AVEN: variants seen among roughly 807,000 people sequenced by gnomAD.
AVEN encodes apoptosis and caspase activation inhibitor.
A neutral mutation model predicts 38.1 loss-of-function variants in AVEN; 41 were observed. The ratio of observed to expected loss-of-function variants is 1.08; its 90% CI spans 0.84 to 1.40. The LOEUF (loss-of-function observed/expected upper bound fraction) is 1.40, where lower values mean the gene tolerates loss of function less well. AVEN is among the 40% of genes most tolerant of loss of function. AVEN has a pLI of 0.00. For missense variants in AVEN, 605 were observed against 438.8 expected, an observed-to-expected ratio of 1.38 and a Z score of -3.38; for synonymous variants, 206 against 171.8, an observed-to-expected ratio of 1.20 and a Z score of -1.56.
chr15:33,969,587 T>C (rs1352726794), intron 2 of AVEN, among the ~76,000 whole-genome samples: 1 of 152,042 alleles, frequency 6.6e-6, no homozygotes, highest in African/African-American at 2.4e-5. Flanking sequence ...GAACAAAAGC[T>C]CAATGACTGA....
In AVEN at chr15:34,063,974, T is replaced by C. The variant is rs767993368; in HGVS notation, n.1127-542A>G. 55 of 1,613,958 alleles carry C rather than the reference T, an allele frequency of 3.4e-5. No individual in the cohort carries two copies. Among genetic ancestry groups the C allele is most frequent in the Admixed American group, 5.0e-5 (3 of 59,994 alleles). ...AGGAACCTTCAACGAAAGGCCTCAA[T>C]CCCAACCCCAGCCATCAAATGACCA... is the stretch of plus-strand genomic sequence containing the variant. On this transcript the variant is annotated intron_variant and non_coding_transcript_variant, in intron 4 of 11. Coordinates refer to the AVEN transcript ENST00000675287. The surrounding 1 kb of genome is among the most constrained non-coding windows in gnomAD (Gnocchi z 4.1).
chr15:33,859,802 C>G (rs1189074828), intron 11 of AVEN: 1 of 1,457,642 alleles, frequency 6.9e-7, no homozygotes, highest in Non-Finnish European at 9.3e-7. Flanking sequence ...CCATCTATGA[C>G]TTAATTGGTT....
intron 2 of AVEN, among the ~76,000 whole-genome samples, chr15:33,928,110 G>A (rs1893699348): frequency 6.6e-6 from 1 of 152,198 alleles, no homozygotes; most frequent in South Asian, 2.1e-4. Context: ...GTAGGCTAAA[G>A]ATTCAGCTCT....
chr15:33,857,887 C>T (rs200923286), downstream of AVEN: 16 of 1,614,110 alleles, frequency 9.9e-6, no homozygotes, highest in African/African-American at 1.3e-4. Context: ...ATGACGAGCC[C>T]GATATGAAGT....
chr15:33,952,389 A>T (rs577138296), intron 2 of AVEN, among the ~76,000 whole-genome samples: 1 of 152,324 alleles, frequency 6.6e-6, no homozygotes, highest in South Asian at 2.1e-4. Flanking sequence ...CTGTCTAGAT[A>T]GATGCTTATC....
At chr15:33,892,841 C>A (rs1212020852) in intron 2 of AVEN, among the ~76,000 whole-genome samples, 2 of 151,986 alleles carry the variant, frequency 1.3e-5, no homozygotes, top group African/African-American at 4.8e-5. Flanking sequence ...AATACTGATT[C>A]TTCCTACCCG....
intron 1 of AVEN, among the ~76,000 whole-genome samples, chr15:34,022,880 C>T (rs1000644295): frequency 1.3e-5 from 2 of 152,226 alleles, no homozygotes; most frequent in African/African-American, 2.4e-5. Flanking sequence ...GCCTTTGGCT[C>T]AAAGCCAGAT....
At chr15:33,914,915 T>TG (rs1473683208) in intron 2 of AVEN, among the ~76,000 whole-genome samples, 1 of 152,100 alleles carries the variant, frequency 6.6e-6, no homozygotes, top group Non-Finnish European at 1.5e-5. Context: ...ACCTGTATCT[T>TG]GGTCTTTAAA....
Position 33,971,223 on chromosome 15 carries a change from T to C in AVEN, c.445+31809A>G, listed in dbSNP as rs541460729. Among the ~76,000 whole-genome samples, 95 of 152,198 alleles carry C rather than the reference T, an allele frequency of 6.2e-4. 1 individual carries two copies. Among genetic ancestry groups the C allele is most frequent in the Admixed American group, 1.1e-3 (17 of 15,280 alleles). On this transcript the variant is annotated intron_variant, in intron 2 of 5. Transcript: ENST00000306730. ...ACAATTAAAGAGATTCTGAACAGTC[T>C]TGGGATGTAGTCAATGACCTGCCTA...
intron 1 of AVEN, among the ~76,000 whole-genome samples, chr15:34,016,344 A>G (rs1897911406): frequency 6.6e-6 from 1 of 152,224 alleles, no homozygotes; most frequent in Non-Finnish European, 1.5e-5. Context: ...ACTTTTAAAA[A>G]TCTTATTATG....
rs1177548497 is a variant in AVEN at position 34,063,943 on chromosome 15, T to C, written n.1127-511A>G. On this transcript the variant is annotated intron_variant and non_coding_transcript_variant, in intron 4 of 11. Transcript: ENST00000675287. This position sits in a 1 kb window ranked among gnomAD's most constrained non-coding sequence, Gnocchi z 4.1. ...AAAATCATGCCCTGCCCCTTCCCAG[T>C]GGCCAAGGAACCTTCAACGAAAGGC... 6.2e-7 allele frequency: 1 copy of C among 1,614,150 alleles called. No individual in the cohort carries two copies. The highest frequency in any genetic ancestry group is 2.2e-5 in the East Asian group (1 of 44,866).
At chr15:34,039,781 G>A (rs993490615), upstream of AVEN, among the ~76,000 whole-genome samples, 3 of 152,158 alleles carry the variant, frequency 2.0e-5, no homozygotes, top group African/African-American at 7.2e-5. Flanking sequence ...AGCTCTATGA[G>A]GTAGGGATGA....
chr15:33,949,269 G>A (rs1009807314), intron 2 of AVEN, among the ~76,000 whole-genome samples: 3 of 150,408 alleles, frequency 2.0e-5, no homozygotes, highest in South Asian at 4.2e-4. Context: ...CTCATGATCC[G>A]CCCGCCTCAG....
chr15:33,870,221 C>T (rs1890879503), intron 4 of AVEN, among the ~76,000 whole-genome samples: 1 of 152,142 alleles, frequency 6.6e-6, no homozygotes, highest in Non-Finnish European at 1.5e-5. Context: ...AGCTACAGTA[C>T]TACTCACCTG....
downstream of AVEN, chr15:33,864,931 G>GC (rs1293766893): frequency 9.4e-5 from 48 of 511,460 alleles, no homozygotes; most frequent in Non-Finnish European, 1.7e-4. Flanking sequence ...CTCCTTCCCT[G>GC]CCAGCATGTG....
intron 2 of AVEN, among the ~76,000 whole-genome samples, chr15:33,945,919 C>A (rs1894492529): frequency 6.6e-6 from 1 of 152,132 alleles, no homozygotes; most frequent in Admixed American, 6.5e-5. Flanking sequence ...TTCAAACTTA[C>A]AGAAATATTG....
At chr15:34,011,636 C>T (rs771875627) in intron 1 of AVEN, among the ~76,000 whole-genome samples, 7 of 152,174 alleles carry the variant, frequency 4.6e-5, no homozygotes, top group East Asian at 1.9e-4. Context: ...AGGAGAGAGG[C>T]ATCCCACAAC....
chr15:33,944,508 A>T (rs1398721250), intron 2 of AVEN, among the ~76,000 whole-genome samples: 1 of 152,072 alleles, frequency 6.6e-6, no homozygotes, highest in Non-Finnish European at 1.5e-5. Context: ...ATCAACATAA[A>T]TTTTTTTAAA....
chr15:34,013,304 C>T (rs1567466735), intron 1 of AVEN, among the ~76,000 whole-genome samples: 1 of 152,158 alleles, frequency 6.6e-6, no homozygotes, highest in African/African-American at 2.4e-5. Flanking sequence ...TCAAGTAATC[C>T]ATCTGCCTTG....
Sources: gnomAD v4.1 joint callset for allele counts (sites outside exome capture counted in the v4.1 genomes callset) on GRCh38, gnomAD v4.1.1 for gene constraint, Gnocchi (gnomAD v3.1) non-coding constraint, MANE v1.5 for transcripts, NCBI Gene and HGNC (gene_info 2026-07-23, HGNC 2026-07-21) for gene names.